The following ITGB1BP1 variants were observed in gnomAD, a reference collection of about 807,000 sequenced individuals.
ITGB1BP1 encodes the protein integrin subunit beta 1 binding protein 1, also known as integrin beta-1-binding protein 1.
A neutral mutation model predicts 28.0 loss-of-function variants in ITGB1BP1; 20 were observed. That is an observed-to-expected ratio of 0.71 (90% confidence interval 0.50 to 1.04). The LOEUF is 1.04. Among genes scored for constraint, ITGB1BP1 ranks in the 50% least tolerant of loss-of-function variants. The pLI is 0.00. For synonymous variants in ITGB1BP1, 103 were observed against 89.5 expected (o/e 1.15, Z -0.85); for missense variants, 228 against 242.5 (o/e 0.94, Z 0.40).
At chr2:9,407,972 C>G in intron 5 of ITGB1BP1, 141 bp downstream of exon 5, 1 of 612,572 alleles carries the variant, frequency 1.6e-6, no homozygotes. Flanking sequence ...AGAAATTGGT[C>G]ACGTTTAAGA....
At position 9,412,352 on chromosome 2, in the gene ITGB1BP1, C is replaced by CAACA. The variant is rs1235039222; in HGVS notation, c.201_204dup (p.Gly69CysfsTer5). On this transcript the variant is annotated frameshift_variant, in exon 4 of 7. Transcript: ENST00000355346. LOFTEE classifies it high-confidence loss of function. ...GAGAGTTTCAGTTTCTCAATGGCAC[C>CAACA]AACATATTTTATTCGAAATTCTGCA... The CAACA allele has an allele frequency of 6.2e-7, 1 of 1,612,112 alleles. No homozygotes were observed. The highest frequency in any genetic ancestry group is 1.1e-5 in the South Asian group (1 of 90,960).
intron 3 of ITGB1BP1, among the ~76,000 whole-genome samples, chr2:9,413,328 CTTTTT>C (rs1423382332): frequency 1.3e-5 from 2 of 151,078 alleles, no homozygotes; most frequent in Non-Finnish European, 3.0e-5. Flanking sequence ...CTCTTGATTT[CTTTTT>C]TTTTCTTTTT....
intron 4 of ITGB1BP1, among the ~76,000 whole-genome samples, chr2:9,408,920 T>A (rs1477256513): frequency 1.3e-5 from 2 of 152,122 alleles, no homozygotes; most frequent in African/African-American, 4.8e-5. Context: ...ATGAGAAAAA[T>A]GAAGATCTTC....
rs1338903469 is a variant in ITGB1BP1 at position 9,414,259 on chromosome 2, G to A, written c.73-3C>T. ...CCCCCAAGGCTAGAATCCACAGACT[G>A]AGAAACAGAAAAACAAGTAAAAAAC... is the stretch of plus-strand genomic sequence containing the variant. On this transcript the variant is annotated splice_polypyrimidine_tract_variant and splice_region_variant and intron_variant, in intron 2 of 6. Coordinates refer to ENST00000355346, the MANE Select transcript of ITGB1BP1 (RefSeq NM_004763.5). The A allele has an allele frequency of 6.2e-7, 1 of 1,613,190 alleles. No homozygotes were observed. The highest frequency in any genetic ancestry group is 2.2e-5 in the East Asian group (1 of 44,878).
At chr2:9,411,722 C>CAAAA (rs532975208) in intron 4 of ITGB1BP1, among the ~76,000 whole-genome samples, 1 of 131,884 alleles carries the variant, frequency 7.6e-6, no homozygotes, top group South Asian at 2.5e-4. Flanking sequence ...GACTCCATCT[C>CAAAA]AAAAAAAAAA....
chr2:9,412,229 A>ACT (rs1678521136), intron 4 of ITGB1BP1, 40 bp downstream of exon 4: 5 of 1,578,982 alleles, frequency 3.2e-6, no homozygotes, highest in Middle Eastern at 1.7e-4. Flanking sequence ...GGCTCCCCAG[A>ACT]CTCTCATAAC....
chr2:9,415,471 T>C lies in ITGB1BP1; in HGVS notation c.73-1215A>G, dbSNP rs1377045316. Among the ~76,000 whole-genome samples, 1 of 151,452 alleles carries C rather than the reference T, an allele frequency of 6.6e-6. No individual in the cohort carries two copies. The highest frequency in any genetic ancestry group is 1.5e-5 in the Non-Finnish European group (1 of 67,896). ...TGGCACATGCCTGTAGTCCCAGCTA[T>C]TTGGCAGGCTGAGGCAGGAGAATCG... On this transcript the variant is annotated intron_variant, in intron 2 of 6. Transcript: ENST00000355346. The surrounding 1 kb of genome is among the most constrained non-coding windows in gnomAD (Gnocchi z 4.1).
At chr2:9,421,612 G>A (rs904447399) in intron 1 of ITGB1BP1, among the ~76,000 whole-genome samples, 23 of 151,910 alleles carry the variant, frequency 1.5e-4, no homozygotes, top group Admixed American at 1.2e-3. Flanking sequence ...GCGTGAACCC[G>A]GGAGGCGGAG....
rs149715995 is a variant in ITGB1BP1, at chr2:9,408,217, AAAT to A, written c.289-15_289-13del. ...AACTTTCCATCTTGCTTTAAAGTAA[AAAT>A]AAATTCCATGATAAAGATTAAAATT... On this transcript the variant is annotated splice_polypyrimidine_tract_variant and intron_variant, in intron 4 of 6. Transcript: ENST00000355346. 2.1e-3 allele frequency: 3,119 copies of A among 1,462,264 alleles called. 46 individuals are homozygous for A. The African/African-American group carries it at 0.039, about 18-fold the overall frequency. 90.6% of individuals were successfully genotyped at this position (1,462,264 alleles called of 1,614,324 possible). A position where few individuals can be genotyped will look rare whatever the true frequency, so the allele number is the denominator to read the frequency against.
intron 2 of ITGB1BP1, among the ~76,000 whole-genome samples, chr2:9,416,989 T>G (rs535257218): frequency 6.6e-6 from 1 of 152,222 alleles, no homozygotes; most frequent in South Asian, 2.1e-4. Flanking sequence ...CTGCAGAACC[T>G]GAGGTTTCAG....
intron 4 of ITGB1BP1, 35 bp downstream of exon 4, chr2:9,412,234 C>T: frequency 6.3e-7 from 1 of 1,585,578 alleles, no homozygotes; most frequent in South Asian, 1.1e-5. Flanking sequence ...CCCAGACTCT[C>T]ATAACCAGAG....
rs1444979125 is a variant in ITGB1BP1, at chr2:9,412,257, T to TA, written c.288+11_288+12insT. On this transcript the variant is annotated intron_variant, in intron 4 of 6. Coordinates refer to ENST00000355346, the MANE Select transcript of ITGB1BP1 (RefSeq NM_004763.5). Reference sequence around the variant, plus strand: ...CTCATAACCAGAGAGTTACGGAATTTTTTTTTTTTACCTGGGCAACGTCTA... The same window carrying TA: ...CTCATAACCAGAGAGTTACGGAATTTATTTTTTTTTACCTGGGCAACGTCTA... 2.5e-6 allele frequency: 4 copies of TA among 1,601,176 alleles called. No individual in the cohort carries two copies. The highest frequency in any genetic ancestry group is 1.7e-5 in the Admixed American group (1 of 58,830).
intron 4 of ITGB1BP1, among the ~76,000 whole-genome samples, chr2:9,409,807 A>G (rs1164636842): frequency 3.3e-5 from 5 of 152,118 alleles, no homozygotes; most frequent in African/African-American, 1.2e-4. Flanking sequence ...TAAATGCTGG[A>G]AAGTAATTAT....
At chr2:9,408,933 T>C (rs1677937385) in intron 4 of ITGB1BP1, among the ~76,000 whole-genome samples, 1 of 152,208 alleles carries the variant, frequency 6.6e-6, no homozygotes, top group Non-Finnish European at 1.5e-5. Context: ...AGATCTTCAT[T>C]TCCACAGCAT....
At position 9,415,406 on chromosome 2, in the gene ITGB1BP1, C is replaced by CA. The variant is rs1053033643; in HGVS notation, c.73-1151dup. Among the ~76,000 whole-genome samples the CA allele has an allele frequency of 1.1e-4, 17 of 149,312 alleles. No homozygotes were observed. In the East Asian group the frequency reaches 1.4e-3, roughly 12 times the overall value. On this transcript the variant is annotated intron_variant, in intron 2 of 6. Transcript: ENST00000355346. The surrounding 1 kb of genome is among the most constrained non-coding windows in gnomAD (Gnocchi z 4.1). The stretch of plus-strand genomic sequence containing the variant: ...AAACAAACAAACAAAAACACACACA[C>CA]AAAAAAAAACACAACAATACAAAAA...
At chr2:9,407,665 C>A in intron 5 of ITGB1BP1, 67 bp from the exon 6 acceptor site, 3 of 1,562,382 alleles carry the variant, frequency 1.9e-6, no homozygotes, top group Non-Finnish European at 2.6e-6. Flanking sequence ...TGATGACACA[C>A]CCTCCCAGGC....
Position 9,423,483 on chromosome 2 carries a change from T to C in ITGB1BP1, c.-146A>G. 3 of 1,193,526 alleles carry C rather than the reference T, an allele frequency of 2.5e-6. No individual in the cohort carries two copies. In the South Asian group the frequency reaches 5.6e-5, roughly 22 times the overall value. The allele number at this position is 1,193,526 out of a possible 1,614,324, so 73.9% of individuals were successfully genotyped here. On this transcript the variant is annotated 5_prime_UTR_variant, in exon 1 of 7. Coordinates refer to ENST00000355346, the MANE Select transcript of ITGB1BP1 (RefSeq NM_004763.5). ...CCGTTCCCGCTCCAGCGCCGGCTTT[T>C]CCAGCCCTCCTGCCCACGTCCGCCG...
Position 9,408,203 on chromosome 2 carries a change from T to A in ITGB1BP1, c.291A>T (p.Gln97His). The change falls in exon 5 of 7, where the codon CAA becomes CAT. Residue 97 changes from glutamine to histidine, a missense_variant and splice_region_variant. By Grantham distance (24) the Gln-to-His change is conservative. This residue lies in a region of ITGB1BP1 where 192 missense variants were observed against 181.6 expected (regional missense o/e 1.06). Coordinates refer to ENST00000355346, the MANE Select transcript of ITGB1BP1 (RefSeq NM_004763.5). ...GAGGAACAAAAGGCAACTTTCCATC[T>A]TGCTTTAAAGTAAAAATAAATTCCA... is the stretch of plus-strand genomic sequence containing the variant. ...DLINYIDVAQ[Q>H]DGKLPFVPPE... 1 of 1,572,406 alleles carries A rather than the reference T, an allele frequency of 6.4e-7. No individual in the cohort carries two copies. Among genetic ancestry groups the A allele is most frequent in the Non-Finnish European group, 8.7e-7 (1 of 1,143,380 alleles).
rs749672359 is a variant in ITGB1BP1, at chr2:9,407,459, C to G, written c.521G>C (p.Cys174Ser). 3 of 1,614,094 alleles carry G rather than the reference C, an allele frequency of 1.9e-6. No homozygotes were observed. Among genetic ancestry groups the G allele is most frequent in the African/African-American group, 2.7e-5 (2 of 74,930 alleles). ...GTAACGAAGTCTCACCAGGCTGTTG[C>G]ACTGATAAACCCACAGGCTGTATTC... ...NEEYSLWVYQ[C>S]NSLEQAQAIC... The change falls in exon 6 of 7, where the codon TGC becomes TCC. Residue 174 changes from cysteine (C) to serine (S), a missense_variant. Around this residue, in one of 2 missense-constraint regions of ITGB1BP1, gnomAD observed 192 missense variants for 181.6 expected, o/e 1.06. Coordinates refer to ENST00000355346, the MANE Select transcript of ITGB1BP1 (RefSeq NM_004763.5).
Sources: allele counts gnomAD v4.1 joint callset (sites outside exome capture counted in the v4.1 genomes callset), GRCh38; gene constraint gnomAD v4.1.1; regional missense constraint gnomAD v4.1.1; non-coding constraint Gnocchi (gnomAD v3.1); transcripts MANE v1.5; gene names NCBI Gene and HGNC (gene_info 2026-07-23, HGNC 2026-07-21).